The following FRMD4A variants were observed in gnomAD, a reference collection of about 807,000 sequenced individuals.
The protein encoded by FRMD4A is FERM domain-containing protein 4A.
Under a neutral mutation model 129.1 loss-of-function variants are expected in FRMD4A, and 29 were observed. The ratio of observed to expected loss-of-function variants is 0.22; its 90% confidence interval spans 0.17 to 0.31. FRMD4A has a LOEUF of 0.31. FRMD4A is among the 10% of genes least tolerant of loss of function. FRMD4A has a pLI of 1.00. For missense variants in FRMD4A, 1,272 were observed against 1,375.8 expected (o/e 0.92, Z 1.19); for synonymous variants, 634 against 571.6 (o/e 1.11, Z -1.56).
intron 6 of FRMD4A, among the ~76,000 whole-genome samples, chr10:13,774,351 G>A (rs1251918785): frequency 6.6e-6 from 1 of 152,172 alleles, no homozygotes; most frequent in African/African-American, 2.4e-5. Context: ...AGTGTTCACA[G>A]TTTGGGAAAA....
chr10:13,995,169 GA>G (rs970535780), intron 2 of FRMD4A, among the ~76,000 whole-genome samples: 13 of 152,202 alleles, frequency 8.5e-5, no homozygotes, highest in African/African-American at 3.1e-4. Context: ...ATTGACAGAA[GA>G]AAAAAGGAAG....
chr10:14,322,499 T>C (rs1843100945), intron 2 of FRMD4A, among the ~76,000 whole-genome samples: 1 of 152,186 alleles, frequency 6.6e-6, no homozygotes, highest in African/African-American at 2.4e-5. Context: ...AAGACATGAT[T>C]TGGGAGCCAT....
At chr10:13,815,062 C>A (rs1442510151) in intron 3 of FRMD4A, among the ~76,000 whole-genome samples, 1 of 152,126 alleles carries the variant, frequency 6.6e-6, no homozygotes, top group Non-Finnish European at 1.5e-5. Flanking sequence ...ACACCTACAT[C>A]CTGGATATGT....
intron 2 of FRMD4A, among the ~76,000 whole-genome samples, chr10:14,153,718 A>T (rs1840456421): frequency 6.6e-6 from 1 of 152,160 alleles, no homozygotes; most frequent in Admixed American, 6.5e-5. Context: ...GCATCACAGG[A>T]AGTGCATTCC....
At chr10:14,252,003 C>A (rs1379667370) in intron 2 of FRMD4A, among the ~76,000 whole-genome samples, 2 of 152,076 alleles carry the variant, frequency 1.3e-5, no homozygotes, top group African/African-American at 4.8e-5. Flanking sequence ...TAGTATCATA[C>A]TATGTATTTT....
intron 2 of FRMD4A, chr10:14,087,700 T>C (rs377643505): frequency 6.6e-6 from 1 of 152,162 alleles, no homozygotes; most frequent in East Asian, 1.9e-4. Context: ...TTTACCTTTG[T>C]GAGAAACAGG....
chr10:13,865,753 A>T (rs1315079477), intron 2 of FRMD4A, among the ~76,000 whole-genome samples: 5 of 152,100 alleles, frequency 3.3e-5, no homozygotes, highest in Non-Finnish European at 7.3e-5. Context: ...TTTTTATAGA[A>T]ATGTAATGCA....
chr10:14,258,990 T>A (rs1008367213), intron 2 of FRMD4A, among the ~76,000 whole-genome samples: 4 of 152,100 alleles, frequency 2.6e-5, no homozygotes, highest in Non-Finnish European at 4.4e-5. Flanking sequence ...CAGCAGTTAC[T>A]GGGGATGGTG....
At chr10:14,229,635 C>T (rs1843568557) in intron 2 of FRMD4A, among the ~76,000 whole-genome samples, 2 of 152,118 alleles carry the variant, frequency 1.3e-5, no homozygotes, top group African/African-American at 4.8e-5. Context: ...GACAGAGTCT[C>T]AGTAAGTTGC....
intron 2 of FRMD4A, among the ~76,000 whole-genome samples, chr10:14,235,598 A>G (rs1589211725): frequency 6.6e-6 from 1 of 152,314 alleles, no homozygotes; most frequent in South Asian, 2.1e-4. Flanking sequence ...GTTACTGAAC[A>G]CTTGTTATGC....
chr10:14,325,328 C>A (rs770376023), intron 2 of FRMD4A, among the ~76,000 whole-genome samples: 23 of 152,194 alleles, frequency 1.5e-4, no homozygotes, highest in Non-Finnish European at 2.6e-4. Context: ...GAACTAGGAC[C>A]TTGATCACAT....
intron 2 of FRMD4A, among the ~76,000 whole-genome samples, chr10:14,315,271 C>T (rs1846696774): frequency 6.6e-6 from 1 of 152,174 alleles, no homozygotes; most frequent in Non-Finnish European, 1.5e-5. Flanking sequence ...TCAAGCTTCA[C>T]ATACATACCT....
intron 2 of FRMD4A, among the ~76,000 whole-genome samples, chr10:14,075,230 A>G (rs1835517321): frequency 6.6e-6 from 1 of 152,212 alleles, no homozygotes; most frequent in Admixed American, 6.5e-5. Context: ...TAAGCACTTT[A>G]TGTCCTGGTG....
chr10:14,108,832 AC>A (rs1837720906), intron 2 of FRMD4A, among the ~76,000 whole-genome samples: 2 of 152,200 alleles, frequency 1.3e-5, no homozygotes, highest in Non-Finnish European at 1.5e-5. Context: ...CTCCATAGAA[AC>A]AAAAACAAAC....
At chr10:13,785,964 T>C (rs2092848151) in intron 5 of FRMD4A, among the ~76,000 whole-genome samples, 1 of 152,250 alleles carries the variant, frequency 6.6e-6, no homozygotes, top group African/African-American at 2.4e-5. Context: ...TCCTTTTTTG[T>C]GGCCGCATAG....
intron 2 of FRMD4A, among the ~76,000 whole-genome samples, chr10:14,127,607 T>C (rs962775248): frequency 2.4e-4 from 36 of 152,152 alleles, no homozygotes; most frequent in African/African-American, 8.0e-4. Context: ...ATAATGATAG[T>C]GTCTGCCTGT....
At chr10:13,953,346 C>T (rs1204366101) in intron 2 of FRMD4A, among the ~76,000 whole-genome samples, 1 of 152,166 alleles carries the variant, frequency 6.6e-6, no homozygotes, top group Admixed American at 6.5e-5. Context: ...AAAGTGATAA[C>T]TACATACCAT....
chr10:14,001,929 G>T (rs2095644259), intron 2 of FRMD4A, among the ~76,000 whole-genome samples: 1 of 152,200 alleles, frequency 6.6e-6, no homozygotes, highest in Admixed American at 6.5e-5. Context: ...TTCCCTGCAT[G>T]AATACATTCA....
chr10:14,152,439 T>C (rs1840387494), intron 2 of FRMD4A, among the ~76,000 whole-genome samples: 1 of 152,046 alleles, frequency 6.6e-6, no homozygotes, highest in African/African-American at 2.4e-5. Context: ...GTTTGTGTAG[T>C]TCTATTGGAA....
Sources: allele counts gnomAD v4.1 joint callset (sites outside exome capture counted in the v4.1 genomes callset), GRCh38; gene constraint gnomAD v4.1.1; transcripts MANE v1.5; gene names NCBI Gene and HGNC (gene_info 2026-07-23, HGNC 2026-07-21).